BRD4: variants seen among roughly 807,000 people sequenced by gnomAD.
BRD4 encodes bromodomain containing 4.
A neutral mutation model predicts 142.1 loss-of-function variants in BRD4; 16 were observed. The observed-to-expected ratio is 0.11, with a 90% CI of 0.08 to 0.17. The LOEUF (loss-of-function observed/expected upper bound fraction) is 0.17. Ranked by LOEUF, BRD4 falls within the 10% of genes least tolerant of loss-of-function variation. The pLI is 1.00. For synonymous variants in BRD4, 833 were observed against 707.5 expected, an observed-to-expected ratio of 1.18 and a Z score of -2.82; for missense variants, 1,424 against 1,810.9, an observed-to-expected ratio of 0.79 and a Z score of 3.88.
chr19:15,250,558 A>T (rs951253531), intron 11 of BRD4, among the ~76,000 whole-genome samples: 1 of 152,200 alleles, frequency 6.6e-6, no homozygotes, highest in Non-Finnish European at 1.5e-5. Context: ...GGAAGCCAGG[A>T]AACTAAAATA....
chr19:15,255,406 A>T lies in BRD4; in HGVS notation c.1938T>A (p.Asn646Lys). The change falls in exon 10 of 20, where the codon AAT (asparagine) becomes AAA (lysine). Residue 646 changes from asparagine to lysine, a missense_variant. Transcript: ENST00000679869. ...IIQSREPSLK[N>K]SNPDEIEIDF... ...CGATTTCAATCTCGTCGGGGTTGGA[A>T]TTCTTCAGGGAGGGCTCCCGTGACT... 1 of 1,614,038 alleles carries T rather than the reference A, an allele frequency of 6.2e-7. No homozygotes were observed. The highest frequency in any genetic ancestry group is 8.5e-7 in the Non-Finnish European group (1 of 1,180,006).
At chr19:15,282,166 T>C (rs2047709739) in intron 1 of BRD4, among the ~76,000 whole-genome samples, 1 of 152,236 alleles carries the variant, frequency 6.6e-6, no homozygotes, top group African/African-American at 2.4e-5. Context: ...TATTCCATTC[T>C]GCCATCATCA....
chr19:15,238,141 C>A lies in BRD4; in HGVS notation c.*236G>T. 3 of 583,770 alleles carry A rather than the reference C, an allele frequency of 5.1e-6. No individual in the cohort carries two copies. Among genetic ancestry groups the A allele is most frequent in the Non-Finnish European group, 6.0e-6 (2 of 335,976 alleles). The allele number at this position is 583,770 out of a possible 1,614,324, so 36.2% of individuals were successfully genotyped here. Reference sequence around the variant, plus strand: ...GCACTTGCTCGTAACAAGGCGTGTGCTGAGCGGACGTCCTGTGAGGGGTGG... The same window carrying A: ...GCACTTGCTCGTAACAAGGCGTGTGATGAGCGGACGTCCTGTGAGGGGTGG... On this transcript the variant is annotated 3_prime_UTR_variant, in exon 20 of 20. Transcript: ENST00000679869. The surrounding 1 kb of genome is among the most constrained non-coding windows in gnomAD (Gnocchi z 7.2).
intron 1 of BRD4, among the ~76,000 whole-genome samples, chr19:15,326,605 T>G (rs567440898): frequency 6.6e-6 from 1 of 152,348 alleles, no homozygotes; most frequent in Admixed American, 6.5e-5. Flanking sequence ...TTTTTAACCA[T>G]CATTTTAACA....
chr19:15,302,750 A>G (rs1055060972), intron 1 of BRD4, among the ~76,000 whole-genome samples: 1 of 151,396 alleles, frequency 6.6e-6, no homozygotes, highest in Admixed American at 6.6e-5. Flanking sequence ...TCACGCCTGT[A>G]ATCTCAGCAC....
chr19:15,241,461 TAAC>T (rs2047237198), intron 14 of BRD4, among the ~76,000 whole-genome samples: 1 of 152,206 alleles, frequency 6.6e-6, no homozygotes, highest in East Asian at 1.9e-4. Flanking sequence ...TTTGGGAGTC[TAAC>T]AACTTGGCTT....
intron 1 of BRD4, among the ~76,000 whole-genome samples, chr19:15,305,832 G>A (rs535360547): frequency 6.6e-6 from 1 of 152,324 alleles, no homozygotes; most frequent in South Asian, 2.1e-4. Flanking sequence ...ACACTAAAAT[G>A]TTTACTGTAG....
intron 1 of BRD4, among the ~76,000 whole-genome samples, chr19:15,289,251 C>T (rs2047762978): frequency 6.6e-6 from 1 of 152,126 alleles, no homozygotes; most frequent in Admixed American, 6.5e-5. Flanking sequence ...GACTCCTTAG[C>T]TACTTAAAAT....
chr19:15,288,968 G>A (rs2047761071), intron 1 of BRD4, among the ~76,000 whole-genome samples: 1 of 152,180 alleles, frequency 6.6e-6, no homozygotes. Context: ...CTCCACTCCT[G>A]AACATGAGAG....
At chr19:15,251,968 A>G (rs531337202) in intron 11 of BRD4, among the ~76,000 whole-genome samples, 1 of 152,360 alleles carries the variant, frequency 6.6e-6, no homozygotes, top group South Asian at 2.1e-4. Flanking sequence ...CCTGGGAGCC[A>G]GCGGCTCTGA....
At chr19:15,267,572 G>A (rs771871180) in intron 3 of BRD4, 21 bp from the exon 4 acceptor site, 2 of 1,610,212 alleles carry the variant, frequency 1.2e-6, no homozygotes, top group South Asian at 1.1e-5. Flanking sequence ...AGACACAGGG[G>A]TAGAGTCAGA....
At chr19:15,253,719 G>C (rs574180950) in intron 11 of BRD4, 1 of 1,598,450 alleles carries the variant, frequency 6.3e-7, no homozygotes. Flanking sequence ...TGAAGCGGCC[G>C]CACTGCACGT....
chr19:15,327,428 C>T (rs913758469), intron 1 of BRD4, among the ~76,000 whole-genome samples: 7 of 152,036 alleles, frequency 4.6e-5, no homozygotes, highest in African/African-American at 1.7e-4. Context: ...CCTGTAATCC[C>T]AATTACTTGG....
In BRD4 at chr19:15,239,137, T is replaced by A; in HGVS notation, c.3704A>T (p.Glu1235Val). The A allele has an allele frequency of 6.2e-7, 1 of 1,611,740 alleles. No individual in the cohort carries two copies. Among genetic ancestry groups the A allele is most frequent in the Non-Finnish European group, 8.5e-7 (1 of 1,179,844 alleles). ...AGCCTTCAGGGCCTTCTCACGCTCC[T>A]CTTTCTCCCGAGCGGCGCGGCGGAA... ...EQFRRAAREK[E>V]EREKALKAQA... The change falls in exon 18 of 20, where the codon GAG becomes GTG. Residue 1235 changes from glutamate to valine, a missense_variant. Transcript: ENST00000679869. This position sits in a 1 kb window ranked among gnomAD's most constrained non-coding sequence, Gnocchi z 7.4.
intron 1 of BRD4, among the ~76,000 whole-genome samples, chr19:15,311,247 G>A (rs903026950): frequency 6.6e-6 from 1 of 151,994 alleles, no homozygotes; most frequent in East Asian, 1.9e-4. Context: ...AGTCGAGATC[G>A]TGCCACTGCA....
intron 1 of BRD4, among the ~76,000 whole-genome samples, chr19:15,280,810 C>T (rs1351278257): frequency 1.3e-5 from 2 of 152,146 alleles, no homozygotes; most frequent in Non-Finnish European, 2.9e-5. Flanking sequence ...TCAGGGAATG[C>T]TAGATTCTGC....
intron 1 of BRD4, among the ~76,000 whole-genome samples, chr19:15,322,448 G>A (rs367658984): frequency 1.4e-4 from 21 of 151,988 alleles, no homozygotes; most frequent in East Asian, 5.8e-4. Context: ...AGTGGCTCAC[G>A]CCTGTAATCC....
intron 2 of BRD4, among the ~76,000 whole-genome samples, chr19:15,270,012 G>C (rs1361587815): frequency 1.3e-5 from 2 of 152,358 alleles, no homozygotes; most frequent in Admixed American, 6.5e-5. Context: ...CCAATGACTA[G>C]ACCAGCTCAG....
chr19:15,296,132 T>A (rs2047820876), intron 1 of BRD4, among the ~76,000 whole-genome samples: 1 of 152,070 alleles, frequency 6.6e-6, no homozygotes. Context: ...CGCACGCCTG[T>A]AGTCCCAGCT....
Sources: allele counts gnomAD v4.1 joint callset (sites outside exome capture counted in the v4.1 genomes callset), GRCh38; gene constraint gnomAD v4.1.1; non-coding constraint Gnocchi (gnomAD v3.1); transcripts MANE v1.5; gene names NCBI Gene and HGNC (gene_info 2026-07-23, HGNC 2026-07-21).